The following SLC16A1 variants were observed in gnomAD, a reference collection of about 807,000 sequenced individuals.
The protein encoded by SLC16A1 is solute carrier family 16 member 1.
Under a neutral mutation model 32.2 loss-of-function variants are expected in SLC16A1, and 11 were observed. The ratio of observed to expected loss-of-function variants is 0.34; its 90% CI spans 0.21 to 0.56. The LOEUF is 0.56. Among genes scored for constraint, SLC16A1 ranks in the 20% least tolerant of loss-of-function variants. SLC16A1 has a pLI of 0.87. For missense variants in SLC16A1, 435 were observed against 615.0 expected, an observed-to-expected ratio of 0.71 and a Z score of 3.10; for synonymous variants, 231 against 226.8, an observed-to-expected ratio of 1.02 and a Z score of -0.17.
intron 1 of SLC16A1, among the ~76,000 whole-genome samples, chr1:112,941,269 T>C (rs1570641044): frequency 6.9e-6 from 1 of 145,702 alleles, no homozygotes; most frequent in African/African-American, 2.6e-5. Context: ...CCTATAGACC[T>C]CTTCACACCT....
chr1:112,929,784 C>T (rs1265933785), intron 1 of SLC16A1, among the ~76,000 whole-genome samples: 1 of 152,122 alleles, frequency 6.6e-6, no homozygotes, highest in African/African-American at 2.4e-5. Flanking sequence ...GAGGTAGTGG[C>T]TGCAGGGAGC....
At chr1:112,953,185 T>C (rs962523264) in intron 1 of SLC16A1, among the ~76,000 whole-genome samples, 3 of 148,362 alleles carry the variant, frequency 2.0e-5, no homozygotes, top group Non-Finnish European at 4.5e-5. Flanking sequence ...AACAGAGTCT[T>C]GCTCTGTCGC....
At chr1:112,929,070 G>T (rs753027653) in intron 2 of SLC16A1, 22 bp downstream of exon 2, 3 of 1,560,404 alleles carry the variant, frequency 1.9e-6, no homozygotes, top group Admixed American at 1.7e-5. Flanking sequence ...AATTAAAAGA[G>T]CAGGCCTTAA....
At chr1:112,920,876 A>G (rs1648700559) in intron 3 of SLC16A1, among the ~76,000 whole-genome samples, 2 of 152,030 alleles carry the variant, frequency 1.3e-5, no homozygotes, top group Non-Finnish European at 2.9e-5. Flanking sequence ...AAGGTGATTC[A>G]CGCCTGTAAT....
At chr1:112,918,763 A>G (rs1353300762) in intron 3 of SLC16A1, among the ~76,000 whole-genome samples, 16 of 152,158 alleles carry the variant, frequency 1.1e-4, no homozygotes, top group Non-Finnish European at 7.4e-5. Flanking sequence ...TGATCACACA[A>G]CTGCACTCCA....
At chr1:112,931,735 A>G (rs546042387) in intron 1 of SLC16A1, among the ~76,000 whole-genome samples, 2 of 151,800 alleles carry the variant, frequency 1.3e-5, no homozygotes, top group South Asian at 4.2e-4. Context: ...AATGAATAGC[A>G]TGGTTAGAAA....
At chr1:112,940,039 ATTTTTTTT>A (rs55864843) in intron 1 of SLC16A1, among the ~76,000 whole-genome samples, 6 of 108,616 alleles carry the variant, frequency 5.5e-5, no homozygotes, top group African/African-American at 1.3e-4. Context: ...CTGATGGGTG[ATTTTTTTT>A]TTTTTTTTTT....
chr1:112,950,750 A>C (rs537050835), intron 1 of SLC16A1, among the ~76,000 whole-genome samples: 1 of 152,348 alleles, frequency 6.6e-6, no homozygotes, highest in African/African-American at 2.4e-5. Context: ...TAATCCCAGC[A>C]CTTTGGGATG....
At chr1:112,929,407 CTT>C (rs1056782404) in intron 1 of SLC16A1, 55 bp from the exon 2 acceptor site, 98 of 987,638 alleles carry the variant, frequency 9.9e-5, no homozygotes, top group Non-Finnish European at 1.4e-4. Flanking sequence ...CTATAAAACT[CTT>C]TTGTGAAATA....
intron 1 of SLC16A1, among the ~76,000 whole-genome samples, chr1:112,941,289 T>C (rs1649500317): frequency 6.7e-6 from 1 of 150,256 alleles, no homozygotes; most frequent in South Asian, 2.1e-4. Context: ...TTTTTTTTTT[T>C]TTTTTTTTTG....
At chr1:112,938,706 G>A (rs1156507752) in intron 1 of SLC16A1, among the ~76,000 whole-genome samples, 4 of 151,920 alleles carry the variant, frequency 2.6e-5, no homozygotes, top group African/African-American at 9.7e-5. Context: ...TAACTCGAAT[G>A]CTTAAAGAAG....
intron 2 of SLC16A1, 183 bp from the exon 3 acceptor site, chr1:112,922,316 A>T: frequency 1.6e-6 from 1 of 631,876 alleles, no homozygotes. Context: ...AAACATAATT[A>T]ATTGTGCAGG....
chr1:112,943,392 A>G (rs906983336), intron 1 of SLC16A1, among the ~76,000 whole-genome samples: 2 of 152,146 alleles, frequency 1.3e-5, no homozygotes, highest in Non-Finnish European at 2.9e-5. Flanking sequence ...TTAGCTAACA[A>G]AGAAAGATTT....
intron 2 of SLC16A1, among the ~76,000 whole-genome samples, chr1:112,922,576 C>T (rs1347726110): frequency 6.6e-6 from 1 of 152,094 alleles, no homozygotes. Flanking sequence ...GAGTTCAAGA[C>T]CAGCCTGGCC....
At chr1:112,944,994 C>CTTT (rs151186476) in intron 1 of SLC16A1, among the ~76,000 whole-genome samples, 14 of 123,274 alleles carry the variant, frequency 1.1e-4, no homozygotes, top group Non-Finnish European at 1.3e-4. Flanking sequence ...CACCCAGCCT[C>CTTT]TTTTTTTTTT....
intron 2 of SLC16A1, chr1:112,923,981 T>A (rs1557847082): frequency 6.8e-7 from 1 of 1,461,776 alleles, no homozygotes; most frequent in Admixed American, 1.7e-5. Flanking sequence ...AGTACAAGTA[T>A]AAGGACAAGG....
Position 112,917,807 on chromosome 1 carries a change from G to A in SLC16A1, c.599C>T (p.Pro200Leu), listed in dbSNP as rs1363736918. 1 of 1,613,862 alleles carries A rather than the reference G, an allele frequency of 6.2e-7. No homozygotes were observed. Among genetic ancestry groups the A allele is most frequent in the East Asian group, 2.2e-5 (1 of 44,878 alleles). ...VAGALMRPIG[P>L]KPTKAGKDKS... ...ATCTTTCCCTGCCTTGGTTGGCTTGGGCCCGATTGGTCGCATGAGGGCTCC... is the reference window on the plus strand; with the variant it reads ...ATCTTTCCCTGCCTTGGTTGGCTTGAGCCCGATTGGTCGCATGAGGGCTCC... Residue 200 changes from proline to leucine, a missense_variant, in exon 4 of 5, where the codon CCC (proline) becomes CTC (leucine). Pro to Leu is a moderately conservative substitution (Grantham distance 98). This residue lies in a region of SLC16A1 where 324 missense variants were observed against 500.3 expected (regional missense o/e 0.65). Coordinates refer to ENST00000369626, the MANE Select transcript of SLC16A1 (RefSeq NM_003051.4). This position sits in a 1 kb window ranked among gnomAD's most constrained non-coding sequence, Gnocchi z 4.1.
intron 1 of SLC16A1, among the ~76,000 whole-genome samples, chr1:112,947,795 G>C (rs1268848225): frequency 6.6e-6 from 1 of 152,136 alleles, no homozygotes; most frequent in African/African-American, 2.4e-5. Flanking sequence ...CTCCAATAAA[G>C]ATCTAAGTTG....
intron 1 of SLC16A1, among the ~76,000 whole-genome samples, chr1:112,931,141 ACT>A (rs1649114880): frequency 6.6e-6 from 1 of 152,130 alleles, no homozygotes; most frequent in South Asian, 2.1e-4. Flanking sequence ...TGGGTGCCTG[ACT>A]CACTAGATAT....
Sources: gnomAD v4.1 joint callset for allele counts (sites outside exome capture counted in the v4.1 genomes callset) on GRCh38, gnomAD v4.1.1 for gene constraint, gnomAD v4.1.1 regional missense constraint, Gnocchi (gnomAD v3.1) non-coding constraint, MANE v1.5 for transcripts, NCBI Gene and HGNC (gene_info 2026-07-23, HGNC 2026-07-21) for gene names.